PBX2: variants seen among roughly 807,000 people sequenced by gnomAD.
PBX2 encodes the protein pre-B-cell leukemia transcription factor 2.
PBX2 carries 10 observed loss-of-function variants against 46.5 expected under a neutral mutation model. The observed-to-expected ratio is 0.21, with a 90% CI of 0.13 to 0.36. The LOEUF (loss-of-function observed/expected upper bound fraction) is 0.36. PBX2 is among the 10% of genes least tolerant of loss of function. PBX2 has a pLI of 1.00. For missense variants in PBX2, 392 were observed against 580.5 expected (o/e 0.68, Z 3.34); for synonymous variants, 160 against 222.5 (o/e 0.72, Z 2.50).
chr6:32,186,148 A>T lies in PBX2; in HGVS notation c.*234T>A. The T allele has an allele frequency of 3.5e-6, 2 of 569,428 alleles. No individual in the cohort carries two copies. The highest frequency in any genetic ancestry group is 6.3e-6 in the Non-Finnish European group (2 of 317,838). The allele number at this position is 569,428 out of a possible 1,614,324, so 35.3% of individuals were successfully genotyped here. On this transcript the variant is annotated 3_prime_UTR_variant, in exon 9 of 9. Coordinates refer to ENST00000375050, the MANE Select transcript of PBX2 (RefSeq NM_002586.5). The surrounding 1 kb of genome is among the most constrained non-coding windows in gnomAD (Gnocchi z 4.2). ...TTCTGTGTAAGAAAGAAAGCGAGAGAGGAAAAAGATGGAAAAAAGGGAGAG... is the reference window on the plus strand; with the variant it reads ...TTCTGTGTAAGAAAGAAAGCGAGAGTGGAAAAAGATGGAAAAAAGGGAGAG...
chr6:32,186,999 A>G lies in PBX2; in HGVS notation c.1025-98T>C. ...TGTGGGGACATGCTACTATACTCCA[A>G]TTATCCACAAAATAACATTCCAACA... On this transcript the variant is annotated intron_variant, in intron 6 of 8. Transcript: ENST00000375050. The surrounding 1 kb of genome is among the most constrained non-coding windows in gnomAD (Gnocchi z 4.2). 8.6e-7 allele frequency: 1 copy of G among 1,160,262 alleles called. No individual in the cohort carries two copies. Among genetic ancestry groups the G allele is most frequent in the Non-Finnish European group, 1.3e-6 (1 of 790,928 alleles). 71.9% of individuals were successfully genotyped at this position (1,160,262 alleles called of 1,614,324 possible).
At position 32,190,182 on chromosome 6, in the gene PBX2, G is replaced by A; in HGVS notation, c.-267C>T. ...GAGGCCCAAGCGGGGGTGTGTGTGA[G>A]AGAGAGGGAGGAGGGAGGAGGGAGA... On this transcript the variant is annotated 5_prime_UTR_variant, in exon 1 of 9. Coordinates refer to ENST00000375050, the MANE Select transcript of PBX2 (RefSeq NM_002586.5). The A allele has an allele frequency of 3.3e-6, 1 of 306,566 alleles. No individual in the cohort carries two copies. The highest frequency in any genetic ancestry group is 6.0e-6 in the Non-Finnish European group (1 of 166,552). 19.0% of individuals were successfully genotyped at this position (306,566 alleles called of 1,614,324 possible).
In PBX2 at chr6:32,186,074, C is replaced by CA. The variant is rs1787108782; in HGVS notation, c.*307dup. The CA allele has an allele frequency of 2.5e-6, 1 of 399,566 alleles. No individual in the cohort carries two copies. Among genetic ancestry groups the CA allele is most frequent in the South Asian group, 3.9e-5 (1 of 25,672 alleles). 24.8% of individuals were successfully genotyped at this position (399,566 alleles called of 1,614,324 possible). A position where few individuals can be genotyped will look rare whatever the true frequency, so the allele number is the denominator to read the frequency against. ...GGTGTGGGAGAGGGAGAGAGAAAGA[C>CA]AGAGGAGAAAAAGGGGTCTGAGAAA... On this transcript the variant is annotated 3_prime_UTR_variant, in exon 9 of 9. Coordinates refer to ENST00000375050, the MANE Select transcript of PBX2 (RefSeq NM_002586.5). This position sits in a 1 kb window ranked among gnomAD's most constrained non-coding sequence, Gnocchi z 4.2.
Position 32,189,604 on chromosome 6 carries a change from G to T in PBX2, c.221+91C>A. ...AGAGAGCTGTTGGATCCTGGAGAGG[G>T]CCCTGGAGTTGGGGGGGGCTCCCAG... On this transcript the variant is annotated intron_variant, in intron 1 of 8. Coordinates refer to ENST00000375050, the MANE Select transcript of PBX2 (RefSeq NM_002586.5). The surrounding 1 kb of genome is among the most constrained non-coding windows in gnomAD (Gnocchi z 4.7). The T allele has an allele frequency of 2.2e-6, 2 of 911,582 alleles. No individual in the cohort carries two copies. The highest frequency in any genetic ancestry group is 3.5e-6 in the Non-Finnish European group (2 of 574,740). 56.5% of individuals were successfully genotyped at this position (911,582 alleles called of 1,614,324 possible). A position where few individuals can be genotyped will look rare whatever the true frequency, so the allele number is the denominator to read the frequency against.
Position 32,187,061 on chromosome 6 carries a change from G to A in PBX2, c.1025-160C>T. On this transcript the variant is annotated intron_variant, in intron 6 of 8. Transcript: ENST00000375050. This position sits in a 1 kb window ranked among gnomAD's most constrained non-coding sequence, Gnocchi z 7.7. ...CAGGCTGTTCCTTGGCCACCCGTGG[G>A]AAGAAAGGCAGAACTAAGATCACTG... The A allele has an allele frequency of 1.9e-6, 2 of 1,028,114 alleles. No individual in the cohort carries two copies. The highest frequency in any genetic ancestry group is 2.6e-5 in the East Asian group (1 of 38,584). 63.7% of individuals were successfully genotyped at this position (1,028,114 alleles called of 1,614,324 possible). A position where few individuals can be genotyped will look rare whatever the true frequency, so the allele number is the denominator to read the frequency against.
rs1014121126 is a variant in PBX2, at chr6:32,185,890, G to A, written c.*492C>T. On this transcript the variant is annotated 3_prime_UTR_variant, in exon 9 of 9. Coordinates refer to ENST00000375050, the MANE Select transcript of PBX2 (RefSeq NM_002586.5). ...GGGGATGCATGGGGGCGTGGCCCAT[G>A]TCCTCTGTCCAGAAGTCATGTCCCC... 5 of 157,538 alleles carry A rather than the reference G, an allele frequency of 3.2e-5. No individual in the cohort carries two copies. Among genetic ancestry groups the A allele is most frequent in the African/African-American group, 1.2e-4 (5 of 41,470 alleles). 9.8% of individuals were successfully genotyped at this position (157,538 alleles called of 1,614,324 possible).
chr6:32,187,849 A>T lies in PBX2; in HGVS notation c.735-67T>A. 1 of 1,585,178 alleles carries T rather than the reference A, an allele frequency of 6.3e-7. No homozygotes were observed. Among genetic ancestry groups the T allele is most frequent in the Non-Finnish European group, 8.6e-7 (1 of 1,164,346 alleles). On this transcript the variant is annotated intron_variant, in intron 4 of 8. Coordinates refer to ENST00000375050, the MANE Select transcript of PBX2 (RefSeq NM_002586.5). This position sits in a 1 kb window ranked among gnomAD's most constrained non-coding sequence, Gnocchi z 7.7. ...CCTGGCAGGGCTGTCACATGGCATGACCCCAGAGTCACCATTGTCATGGAG... is the reference window on the plus strand; with the variant it reads ...CCTGGCAGGGCTGTCACATGGCATGTCCCCAGAGTCACCATTGTCATGGAG...
Position 32,186,513 on chromosome 6 carries a change from C to T in PBX2, c.1201-39G>A, listed in dbSNP as rs2127447007. ...CAGAGTACAGAAAACAGAGAAAGCC[C>T]TGGGAACCCTGTGTGGGCACAACAT... On this transcript the variant is annotated intron_variant, in intron 8 of 8. Transcript: ENST00000375050. This position sits in a 1 kb window ranked among gnomAD's most constrained non-coding sequence, Gnocchi z 4.2. The T allele has an allele frequency of 6.3e-7, 1 of 1,594,200 alleles. No individual in the cohort carries two copies. The highest frequency in any genetic ancestry group is 1.1e-5 in the South Asian group (1 of 90,684).
rs1268600407 is a variant in PBX2, at chr6:32,187,270, G to A, written c.996C>T (p.Thr332=). 8.1e-6 allele frequency: 13 copies of A among 1,612,964 alleles called. No homozygotes were observed. The highest frequency in any genetic ancestry group is 1.0e-5 in the Non-Finnish European group (12 of 1,180,052). ...VSVTQGGHSR[T]SSPTPPSSAG... ...CAGAGGAAGGGGGTGTCGGGGAGCT[G>A]GTGCGGCTGTGGCCCCCCTGGGTGA... Residue 332 remains threonine, a synonymous_variant, in exon 6 of 9, where the codon ACC becomes ACT. Coordinates refer to ENST00000375050, the MANE Select transcript of PBX2 (RefSeq NM_002586.5). The surrounding 1 kb of genome is among the most constrained non-coding windows in gnomAD (Gnocchi z 7.7).
chr6:32,188,836 A>C lies in PBX2; in HGVS notation c.222-40T>G. The C allele has an allele frequency of 6.3e-7, 1 of 1,581,410 alleles. No individual in the cohort carries two copies. Among genetic ancestry groups the C allele is most frequent in the Non-Finnish European group, 8.7e-7 (1 of 1,151,622 alleles). Reference sequence around the variant, plus strand: ...GAGTGGGGAAAGAGAAAAGTTGAGGAGCTAGAGAAACAGAGCAGGGGGCCT... The same window carrying C: ...GAGTGGGGAAAGAGAAAAGTTGAGGCGCTAGAGAAACAGAGCAGGGGGCCT... On this transcript the variant is annotated intron_variant, in intron 1 of 8. Coordinates refer to ENST00000375050, the MANE Select transcript of PBX2 (RefSeq NM_002586.5). The surrounding 1 kb of genome is among the most constrained non-coding windows in gnomAD (Gnocchi z 6.5).
Position 32,185,516 on chromosome 6 carries a change from G to C in PBX2, c.*866C>G, listed in dbSNP as rs1164141565. On this transcript the variant is annotated 3_prime_UTR_variant, in exon 9 of 9. Transcript: ENST00000375050. The stretch of plus-strand genomic sequence containing the variant: ...CCTTTGGCTATCACCCCTAATATGG[G>C]AAAGTAAGAAATAAAAAAAAAAAAA... 1 of 81,910 alleles carries C rather than the reference G, an allele frequency of 1.2e-5. No individual in the cohort carries two copies. Among genetic ancestry groups the C allele is most frequent in the Non-Finnish European group, 2.6e-5 (1 of 39,060 alleles). 5.1% of individuals were successfully genotyped at this position (81,910 alleles called of 1,614,324 possible).
chr6:32,187,052 C>T lies in PBX2; in HGVS notation c.1025-151G>A. 9.7e-7 allele frequency: 1 copy of T among 1,027,918 alleles called. No homozygotes were observed. The highest frequency in any genetic ancestry group is 1.4e-6 in the Non-Finnish European group (1 of 697,228). 63.7% of individuals were successfully genotyped at this position (1,027,918 alleles called of 1,614,324 possible). The stretch of plus-strand genomic sequence containing the variant: ...CAGAAAGAGCAGGCTGTTCCTTGGC[C>T]ACCCGTGGGAAGAAAGGCAGAACTA... On this transcript the variant is annotated intron_variant, in intron 6 of 8. Coordinates refer to ENST00000375050, the MANE Select transcript of PBX2 (RefSeq NM_002586.5). This position sits in a 1 kb window ranked among gnomAD's most constrained non-coding sequence, Gnocchi z 7.7.
Position 32,189,180 on chromosome 6 carries a change from G to A in PBX2, c.222-384C>T, listed in dbSNP as rs370301370. 8.2e-6 allele frequency: 3 copies of A among 364,814 alleles called. No homozygotes were observed. The South Asian group carries it at 1.0e-4, about 12-fold the overall frequency. 22.6% of individuals were successfully genotyped at this position (364,814 alleles called of 1,614,324 possible). ...TTTGAGGTGGCAGAGTGGGGCTGGG[G>A]GTGCCGAGCTAACTGGGGAGATCAG... On this transcript the variant is annotated intron_variant, in intron 1 of 8. Transcript: ENST00000375050. This position sits in a 1 kb window ranked among gnomAD's most constrained non-coding sequence, Gnocchi z 4.7.
chr6:32,187,415 G>A lies in PBX2; in HGVS notation c.871-20C>T. The A allele has an allele frequency of 1.2e-6, 2 of 1,611,636 alleles. No individual in the cohort carries two copies. Among genetic ancestry groups the A allele is most frequent in the South Asian group, 2.2e-5 (2 of 91,054 alleles). On this transcript the variant is annotated intron_variant, in intron 5 of 8. Coordinates refer to ENST00000375050, the MANE Select transcript of PBX2 (RefSeq NM_002586.5). This position sits in a 1 kb window ranked among gnomAD's most constrained non-coding sequence, Gnocchi z 7.7. ...GGAGACCTGTGGGGCAGAAAGGAGG[G>A]TCAGGTAGAAACATTTGCCTCTGAA...
chr6:32,186,427 G>T lies in PBX2; in HGVS notation c.1248C>A (p.Ser416=). The change falls in exon 9 of 9, where the codon TCC becomes TCA. Residue 416 remains serine, a synonymous_variant. Transcript: ENST00000375050. The surrounding 1 kb of genome is among the most constrained non-coding windows in gnomAD (Gnocchi z 4.2). ...GAACACTCCCTGGTCCCTCCGTTGG[G>T]GATGTCACTGAAGAGGGGGTCACAG... ...QEAVTPSSVT[S]PTEGPGSVHS... 1 of 1,613,028 alleles carries T rather than the reference G, an allele frequency of 6.2e-7. No individual in the cohort carries two copies. Among genetic ancestry groups the T allele is most frequent in the Non-Finnish European group, 8.5e-7 (1 of 1,179,580 alleles).
At position 32,189,813 on chromosome 6, in the gene PBX2, C is replaced by G; in HGVS notation, c.103G>C (p.Gly35Arg). 1 of 1,589,860 alleles carries G rather than the reference C, an allele frequency of 6.3e-7. No homozygotes were observed. Among genetic ancestry groups the G allele is most frequent in the Non-Finnish European group, 8.6e-7 (1 of 1,167,240 alleles). The change falls in exon 1 of 9, where the codon GGA (glycine) becomes CGA (arginine). Residue 35 changes from glycine (G) to arginine (R), a missense_variant. Around this residue, in one of 3 missense-constraint regions of PBX2, gnomAD observed 196 missense variants for 246.9 expected, o/e 0.79. Transcript: ENST00000375050. This position sits in a 1 kb window ranked among gnomAD's most constrained non-coding sequence, Gnocchi z 4.7. ...PGGPGEPPGG[G>R]DPGGGSGGVP... is the part of the protein sequence containing the mutation. ...CCCCCGCTACCCCCACCGGGGTCTC[C>G]GCCACCGGGAGGCTCGCCAGGGCCC...
In PBX2 at chr6:32,185,919, T is replaced by C. The variant is rs1474377431; in HGVS notation, c.*463A>G. ...TCTGTCCAGAAGTCATGTCCCCATT[T>C]TTGGCATCTCTGATTGGGCAGGGCT... On this transcript the variant is annotated 3_prime_UTR_variant, in exon 9 of 9. Transcript: ENST00000375050. The C allele has an allele frequency of 6.0e-6, 1 of 165,984 alleles. No homozygotes were observed. Among genetic ancestry groups the C allele is most frequent in the African/African-American group, 2.4e-5 (1 of 41,606 alleles). 10.3% of individuals were successfully genotyped at this position (165,984 alleles called of 1,614,324 possible).
At position 32,186,612 on chromosome 6, in the gene PBX2, C is replaced by T; in HGVS notation, c.1192G>A (p.Glu398Lys). Residue 398 changes from glutamate to lysine, a missense_variant, in exon 8 of 9, where the codon GAA (glutamate) becomes AAA (lysine). Coordinates refer to ENST00000375050, the MANE Select transcript of PBX2 (RefSeq NM_002586.5). The surrounding 1 kb of genome is among the most constrained non-coding windows in gnomAD (Gnocchi z 4.2). ...LGGGQMYSPREMRANGSWQEA... is the reference protein window; with the variant it reads ...LGGGQMYSPRKMRANGSWQEA... ...CTTCAGGATCCACTCACCCTCATTT[C>T]CCGTGGGCTGTACATCTGGCCTCCC... is the stretch of plus-strand genomic sequence containing the variant. 1 of 1,610,464 alleles carries T rather than the reference C, an allele frequency of 6.2e-7. No homozygotes were observed. The highest frequency in any genetic ancestry group is 8.5e-7 in the Non-Finnish European group (1 of 1,176,724).
rs369894147 is a variant in PBX2, at chr6:32,186,584, G to A, written c.1200+20C>T. On this transcript the variant is annotated intron_variant, in intron 8 of 8. Transcript: ENST00000375050. The surrounding 1 kb of genome is among the most constrained non-coding windows in gnomAD (Gnocchi z 4.2). ...TGTCCTGTGAGAACTGGACAGAGAGGAGCTTCAGGATCCACTCACCCTCAT... is the reference window on the plus strand; with the variant it reads ...TGTCCTGTGAGAACTGGACAGAGAGAAGCTTCAGGATCCACTCACCCTCAT... 17 of 1,595,258 alleles carry A rather than the reference G, an allele frequency of 1.1e-5. No individual in the cohort carries two copies. Among genetic ancestry groups the A allele is most frequent in the Non-Finnish European group, 1.5e-5 (17 of 1,162,984 alleles).
Sources: gnomAD v4.1 joint callset for allele counts on GRCh38, gnomAD v4.1.1 for gene constraint, gnomAD v4.1.1 regional missense constraint, Gnocchi (gnomAD v3.1) non-coding constraint, MANE v1.5 for transcripts, NCBI Gene and HGNC (gene_info 2026-07-23, HGNC 2026-07-21) for gene names.